Variants in CTNNA3 observed in about 807,000 individuals in gnomAD.
The protein encoded by CTNNA3 is catenin alpha-3.
Under a neutral mutation model 95.7 loss-of-function variants are expected in CTNNA3, and 76 were observed. The observed-to-expected ratio is 0.79, with a 90% CI of 0.66 to 0.96. The LOEUF is 0.96. CTNNA3 is among the 40% of genes least tolerant of loss of function. The probability of loss-of-function intolerance (pLI) is 0.00; values close to 1 mark genes in which losing one functional copy is unlikely to be tolerated. For synonymous variants in CTNNA3, 431 were observed against 374.4 expected (o/e 1.15, Z -1.74); for missense variants, 1,191 against 1,089.8 (o/e 1.09, Z -1.31).
intron 5 of CTNNA3, among the ~76,000 whole-genome samples, chr10:67,470,409 T>A (rs1847771886): frequency 6.6e-6 from 1 of 152,212 alleles, no homozygotes; most frequent in South Asian, 2.1e-4. Flanking sequence ...GCAATAAAAA[T>A]AAGAGTACAG....
At chr10:66,237,722 C>T (rs908507657) in intron 13 of CTNNA3, among the ~76,000 whole-genome samples, 8 of 151,966 alleles carry the variant, frequency 5.3e-5, no homozygotes, top group African/African-American at 1.9e-4. Flanking sequence ...TGTCTTATAA[C>T]CATTTTTTTC....
chr10:66,309,591 C>CA lies in CTNNA3; in HGVS notation c.1733-28971dup, dbSNP rs566809719. On this transcript the variant is annotated intron_variant, in intron 12 of 17. Coordinates refer to ENST00000433211, the MANE Select transcript of CTNNA3 (RefSeq NM_013266.4). The stretch of plus-strand genomic sequence containing the variant: ...TGTAGTCCCAGCTGGGAGGCTGAGG[C>CA]AGGGGAATGGTGTGAACCCGGGAGG... 7.0e-5 allele frequency among the ~76,000 whole-genome samples: 10 copies of CA among 142,622 alleles called. No individual in the cohort carries two copies. The East Asian group carries it at 2.1e-3, about 30-fold the overall frequency. The allele number at this position is 142,622 out of a possible 152,430, so 93.6% of individuals were successfully genotyped here.
At chr10:67,168,566 T>A (rs952342096) in intron 7 of CTNNA3, among the ~76,000 whole-genome samples, 1 of 152,186 alleles carries the variant, frequency 6.6e-6, no homozygotes, top group Non-Finnish European at 1.5e-5. Context: ...AAAAGGCTTT[T>A]GATAAAATTC....
chr10:66,806,952 C>T (rs1245935185), intron 7 of CTNNA3, among the ~76,000 whole-genome samples: 2 of 151,878 alleles, frequency 1.3e-5, no homozygotes, highest in African/African-American at 4.8e-5. Flanking sequence ...CAGTAAAACA[C>T]AGGTAAATGG....
intron 13 of CTNNA3, among the ~76,000 whole-genome samples, chr10:66,204,132 A>G (rs1435410311): frequency 6.6e-6 from 1 of 152,166 alleles, no homozygotes; most frequent in African/African-American, 2.4e-5. Flanking sequence ...CACAGAGAGT[A>G]GATTCTTCTA....
chr10:67,696,090 G>C lies in CTNNA3; in HGVS notation c.-96C>G, dbSNP rs547126033. The C allele has an allele frequency of 6.6e-6, 1 of 152,084 alleles. No individual in the cohort carries two copies. Among genetic ancestry groups the C allele is most frequent in the Non-Finnish European group, 1.5e-5 (1 of 68,024 alleles). The allele number at this position is 152,084 out of a possible 1,614,324, so 9.4% of individuals were successfully genotyped here. On this transcript the variant is annotated 5_prime_UTR_variant, in exon 1 of 18. Coordinates refer to ENST00000433211, the MANE Select transcript of CTNNA3 (RefSeq NM_013266.4). ...AGAGCTTTGTGGGGGACGGAAAAAG[G>C]CTTCTTGGTGGTCACAGAGTTACAG...
chr10:66,814,878 G>A (rs1191584253), intron 7 of CTNNA3, among the ~76,000 whole-genome samples: 4 of 129,312 alleles, frequency 3.1e-5, no homozygotes, highest in Non-Finnish European at 4.7e-5. Context: ...TTGAGATGGA[G>A]TCTCGCTCTG....
chr10:67,069,407 C>G (rs758400441), intron 7 of CTNNA3, among the ~76,000 whole-genome samples: 1 of 151,954 alleles, frequency 6.6e-6, no homozygotes, highest in Non-Finnish European at 1.5e-5. Context: ...ACTCAAAAAA[C>G]GCTCATTGTA....
chr10:67,631,044 A>T (rs1839129040), intron 2 of CTNNA3, among the ~76,000 whole-genome samples: 1 of 152,224 alleles, frequency 6.6e-6, no homozygotes, highest in South Asian at 2.1e-4. Context: ...TCTTTGAAGC[A>T]CAATTCTGCA....
chr10:66,513,895 C>T (rs889390448), intron 11 of CTNNA3, among the ~76,000 whole-genome samples: 1 of 152,140 alleles, frequency 6.6e-6, no homozygotes, highest in Non-Finnish European at 1.5e-5. Context: ...GTAACAGAGA[C>T]CCTGTGGCAC....
chr10:67,314,410 T>C (rs1840954331), intron 5 of CTNNA3, among the ~76,000 whole-genome samples: 1 of 152,220 alleles, frequency 6.6e-6, no homozygotes, highest in Non-Finnish European at 1.5e-5. Context: ...GAAGCAATCA[T>C]TCGTGTGTCA....
At chr10:67,213,645 A>T (rs1864232635) in intron 6 of CTNNA3, among the ~76,000 whole-genome samples, 1 of 151,692 alleles carries the variant, frequency 6.6e-6, no homozygotes, top group South Asian at 2.1e-4. Flanking sequence ...ATACATTATC[A>T]TTATTTCTCA....
chr10:67,428,450 A>G (rs1252011165), intron 5 of CTNNA3, among the ~76,000 whole-genome samples: 1 of 152,108 alleles, frequency 6.6e-6, no homozygotes, highest in Non-Finnish European at 1.5e-5. Flanking sequence ...ATACTTTAAT[A>G]GGTTTTTCCA....
intron 9 of CTNNA3, among the ~76,000 whole-genome samples, chr10:66,660,364 C>A (rs937818067): frequency 6.6e-6 from 1 of 152,112 alleles, no homozygotes; most frequent in African/African-American, 2.4e-5. Flanking sequence ...GATAAGATAG[C>A]CTAATTTGTG....
intron 3 of CTNNA3, among the ~76,000 whole-genome samples, chr10:67,541,658 C>T (rs1214524337): frequency 1.3e-5 from 2 of 151,978 alleles, no homozygotes; most frequent in Non-Finnish European, 2.9e-5. Flanking sequence ...ATATTTAGCA[C>T]AGTATTTAAA....
At chr10:66,707,363 G>A (rs1848151264) in intron 9 of CTNNA3, among the ~76,000 whole-genome samples, 1 of 151,946 alleles carries the variant, frequency 6.6e-6, no homozygotes, top group Non-Finnish European at 1.5e-5. Flanking sequence ...TTTAGGTATG[G>A]CCACTTTTAC....
intron 7 of CTNNA3, among the ~76,000 whole-genome samples, chr10:67,042,312 C>A (rs1854446016): frequency 6.6e-6 from 1 of 152,036 alleles, no homozygotes; most frequent in Non-Finnish European, 1.5e-5. Context: ...GCAGGACAGA[C>A]AGAGCTGACT....
chr10:65,950,151 C>T (rs2077585158), intron 17 of CTNNA3, among the ~76,000 whole-genome samples: 1 of 148,848 alleles, frequency 6.7e-6, no homozygotes, highest in Non-Finnish European at 1.5e-5. Flanking sequence ...ATTGATTTTG[C>T]TAGGGAACAC....
intron 5 of CTNNA3, among the ~76,000 whole-genome samples, chr10:67,280,742 C>G (rs907716654): frequency 6.6e-6 from 1 of 152,116 alleles, no homozygotes; most frequent in African/African-American, 2.4e-5. Flanking sequence ...CTGCATTTAT[C>G]ACTGGGACCA....
Sources: gnomAD v4.1 joint callset for allele counts (sites outside exome capture counted in the v4.1 genomes callset) on GRCh38, gnomAD v4.1.1 for gene constraint, MANE v1.5 for transcripts, NCBI Gene and HGNC (gene_info 2026-07-23, HGNC 2026-07-21) for gene names.